CAP1: variants seen among roughly 807,000 people sequenced by gnomAD.
CAP1 encodes adenylyl cyclase-associated protein 1.
In CAP1, 11 loss-of-function variants were observed where a neutral mutation model predicts 58.2. The observed-to-expected ratio is 0.19, with a 90% CI of 0.12 to 0.31. The LOEUF is 0.31. Among genes scored for constraint, CAP1 ranks in the 10% least tolerant of loss-of-function variants. CAP1 has a pLI of 1.00. For synonymous variants in CAP1, 183 were observed against 213.8 expected, an observed-to-expected ratio of 0.86 and a Z score of 1.26; for missense variants, 423 against 587.5, an observed-to-expected ratio of 0.72 and a Z score of 2.89.
chr1:40,059,405 C>T lies in CAP1; in HGVS notation c.59C>T (p.Ala20Val). 1.2e-6 allele frequency: 2 copies of T among 1,613,920 alleles called. No individual in the cohort carries two copies. Among genetic ancestry groups the T allele is most frequent in the Non-Finnish European group, 1.7e-6 (2 of 1,179,830 alleles). ...GAGAGGGCAGTGGGCCGCCTGGAGG[C>T]AGTATCTCATACCTCTGACATGCAC... ...RLERAVGRLE[A>V]VSHTSDMHRG... The change falls in exon 2 of 13, where the codon GCA becomes GTA. Residue 20 changes from alanine (A) to valine (V), a missense_variant. Coordinates refer to ENST00000372805, the MANE Select transcript of CAP1 (RefSeq NM_006367.4).
intron 8 of CAP1, among the ~76,000 whole-genome samples, chr1:40,068,544 C>T (rs1386291022): frequency 6.6e-6 from 1 of 151,846 alleles, no homozygotes; most frequent in Non-Finnish European, 1.5e-5. Context: ...TCCCAAAGTG[C>T]TGGGATTACA....
chr1:40,056,159 C>T lies in CAP1; in HGVS notation c.-10-3178C>T, dbSNP rs148253582. On this transcript the variant is annotated intron_variant, in intron 1 of 12. Transcript: ENST00000372805. ...ACTCTTATCCACTATATAATACTGCCCAACAGTTTCCAGTTACTGACTTGA... is the reference window on the plus strand; with the variant it reads ...ACTCTTATCCACTATATAATACTGCTCAACAGTTTCCAGTTACTGACTTGA... 3.3e-3 allele frequency among the ~76,000 whole-genome samples: 510 copies of T among 152,256 alleles called. 2 individuals carry two copies. Among genetic ancestry groups the T allele is most frequent in the African/African-American group, 0.012 (493 of 41,522 alleles).
At position 40,067,681 on chromosome 1, in the gene CAP1, T is replaced by C; in HGVS notation, c.772T>C (p.Phe258Leu). 6.3e-7 allele frequency: 1 copy of C among 1,594,376 alleles called. No individual in the cohort carries two copies. Among genetic ancestry groups the C allele is most frequent in the Non-Finnish European group, 8.5e-7 (1 of 1,170,162 alleles). The stretch of plus-strand genomic sequence containing the variant: ...TGAGTCTGCTTCCCGCTCATCACTG[T>C]TCGCGCAGATTAATCAGGGGGAGAG... ...SYESASRSSLFAQINQGESIT... is the reference protein window; with the variant it reads ...SYESASRSSLLAQINQGESIT... The change falls in exon 8 of 13, where the codon TTC (phenylalanine) becomes CTC (leucine). Residue 258 changes from phenylalanine (F) to leucine (L), a missense_variant. Phe to Leu is a conservative substitution (Grantham distance 22). Transcript: ENST00000372805.
intron 1 of CAP1, among the ~76,000 whole-genome samples, chr1:40,046,675 G>A (rs1225188443): frequency 6.6e-6 from 1 of 151,990 alleles, no homozygotes; most frequent in African/African-American, 2.4e-5. Flanking sequence ...TGCACATGGT[G>A]TAACTTATTA....
intron 1 of CAP1, among the ~76,000 whole-genome samples, chr1:40,053,503 T>C (rs1438112848): frequency 6.6e-6 from 1 of 151,668 alleles, no homozygotes; most frequent in African/African-American, 2.4e-5. Flanking sequence ...CAGGCTGGAG[T>C]GTAATGGCGT....
At chr1:40,057,633 C>CTTGTGAGCTGCTT (rs1646675073) in intron 1 of CAP1, 1 of 152,004 alleles carries the variant, frequency 6.6e-6, no homozygotes, top group South Asian at 2.1e-4. Context: ...CTTACTTTAT[C>CTTGTGAGCTGCTT]TTGTGAGCTG....
At chr1:40,069,639 C>T (rs1647416299) in intron 8 of CAP1, 51 bp from the exon 9 acceptor site, 2 of 1,509,900 alleles carry the variant, frequency 1.3e-6, no homozygotes, top group African/African-American at 2.8e-5. Flanking sequence ...ACGATAGCAG[C>T]TCAAAGGTCT....
At chr1:40,071,280 C>T (rs1647950177) in intron 12 of CAP1, among the ~76,000 whole-genome samples, 170 bp from the exon 13 acceptor site, 1 of 152,176 alleles carries the variant, frequency 6.6e-6, no homozygotes, top group South Asian at 2.1e-4. Flanking sequence ...ATAGTCTGTC[C>T]AAGATCGCTG....
At chr1:40,053,430 C>G (rs1248282980) in intron 1 of CAP1, among the ~76,000 whole-genome samples, 1 of 152,002 alleles carries the variant, frequency 6.6e-6, no homozygotes, top group Non-Finnish European at 1.5e-5. Flanking sequence ...AGGTTCTTTA[C>G]TCACTAGTTG....
Position 40,063,175 on chromosome 1 carries a change from C to CTTAT in CAP1, c.295-1037_295-1034dup, listed in dbSNP as rs747863020. ...CATGCCTGGCTTGCTTATTTACTTA[C>CTTAT]TTATTTATTTATTTATTTCTGAGAT... is the stretch of plus-strand genomic sequence containing the variant. On this transcript the variant is annotated intron_variant, in intron 4 of 12. Transcript: ENST00000372805. Among the ~76,000 whole-genome samples, 110 of 148,284 alleles carry CTTAT rather than the reference C, an allele frequency of 7.4e-4. 1 individual carries two copies. The South Asian group carries it at 0.023, about 31-fold the overall frequency.
chr1:40,062,389 C>T (rs183178392), intron 4 of CAP1, among the ~76,000 whole-genome samples: 66 of 152,220 alleles, frequency 4.3e-4, no homozygotes, highest in Non-Finnish European at 8.5e-4. Context: ...GTCCTAAATG[C>T]TGTATTAAAA....
Position 40,067,627 on chromosome 1 carries a change from C to T in CAP1, c.718C>T (p.Pro240Ser). 6.3e-7 allele frequency: 1 copy of T among 1,576,846 alleles called. No homozygotes were observed. Among genetic ancestry groups the T allele is most frequent in the Non-Finnish European group, 8.7e-7 (1 of 1,152,240 alleles). ...TCCCCCTCCACCATGCCCCCCTCCT[C>T]CCCCAGTCTCTACCATTTCATGCTC... ...PPPPPPCPPP[P>S]PVSTISCSYE... Residue 240 changes from proline to serine, a missense_variant, in exon 8 of 13, where the codon CCC becomes TCC. Coordinates refer to ENST00000372805, the MANE Select transcript of CAP1 (RefSeq NM_006367.4).
chr1:40,047,807 A>C (rs1193713308), intron 1 of CAP1, among the ~76,000 whole-genome samples: 1 of 152,180 alleles, frequency 6.6e-6, no homozygotes, highest in African/African-American at 2.4e-5. Context: ...GTCTAATTTC[A>C]CTTTATACAC....
chr1:40,059,005 G>A (rs1646733424), intron 1 of CAP1, among the ~76,000 whole-genome samples: 1 of 152,054 alleles, frequency 6.6e-6, no homozygotes, highest in Admixed American at 6.6e-5. Context: ...TAATGTATGT[G>A]ACTATCCTTT....
chr1:40,062,835 TTTAA>T (rs1646913783), intron 4 of CAP1, among the ~76,000 whole-genome samples: 4 of 150,482 alleles, frequency 2.7e-5, no homozygotes, highest in African/African-American at 9.7e-5. Context: ...AGAATTAGAT[TTTAA>T]TTCTTAATCT....
At chr1:40,057,168 T>C (rs1234694545) in intron 1 of CAP1, among the ~76,000 whole-genome samples, 1 of 152,252 alleles carries the variant, frequency 6.6e-6, no homozygotes, top group Non-Finnish European at 1.5e-5. Flanking sequence ...TGTGTCTCCA[T>C]GTTAACAGTG....
At chr1:40,067,274 A>G (rs1647129112) in intron 7 of CAP1, 1 of 411,620 alleles carries the variant, frequency 2.4e-6, no homozygotes, top group Non-Finnish European at 4.3e-6. Flanking sequence ...GAAGATGTCA[A>G]GTAGATTTGT....
At chr1:40,044,788 C>CTTTTTTTTTT (rs71060347) in intron 1 of CAP1, among the ~76,000 whole-genome samples, 1 of 85,236 alleles carries the variant, frequency 1.2e-5, no homozygotes, top group African/African-American at 5.3e-5. Context: ...CCATATAATT[C>CTTTTTTTTTT]TTTTTTTTTT....
intron 1 of CAP1, among the ~76,000 whole-genome samples, chr1:40,045,277 A>C (rs1208156489): frequency 2.6e-5 from 4 of 152,148 alleles, no homozygotes; most frequent in Non-Finnish European, 5.9e-5. Context: ...CGTAGCTATG[A>C]TTGTACAATG....
Sources: allele counts gnomAD v4.1 joint callset (sites outside exome capture counted in the v4.1 genomes callset), GRCh38; gene constraint gnomAD v4.1.1; transcripts MANE v1.5; gene names NCBI Gene and HGNC (gene_info 2026-07-23, HGNC 2026-07-21).